Variants in GRID2 observed in about 807,000 individuals in gnomAD.
GRID2 encodes glutamate ionotropic receptor delta type subunit 2, also known as glutamate receptor ionotropic, delta-2.
Under a neutral mutation model 114.8 loss-of-function variants are expected in GRID2, and 33 were observed. The ratio of observed to expected loss-of-function variants is 0.29; its 90% CI spans 0.22 to 0.38. The LOEUF is 0.38. Ranked by LOEUF, GRID2 falls within the 10% of genes least tolerant of loss-of-function variation. The probability of loss-of-function intolerance (pLI) is 1.00; values close to 1 mark genes in which losing one functional copy is unlikely to be tolerated. For synonymous variants in GRID2, 505 were observed against 449.9 expected (o/e 1.12, Z -1.55); for missense variants, 1,184 against 1,257.7 (o/e 0.94, Z 0.89).
At chr4:92,424,343 C>T (rs1430541269) in intron 1 of GRID2, among the ~76,000 whole-genome samples, 2 of 151,904 alleles carry the variant, frequency 1.3e-5, no homozygotes, top group Non-Finnish European at 1.5e-5. Flanking sequence ...TTCTATATTC[C>T]TTGGGATGTT....
chr4:93,456,003 T>A (rs1387903918), intron 11 of GRID2, 29 bp downstream of exon 11: 8 of 1,285,510 alleles, frequency 6.2e-6, no homozygotes, highest in East Asian at 4.6e-5. Flanking sequence ...TTCTAGTATT[T>A]AAAAAAAATA....
chr4:93,555,410 G>C (rs1042996031), intron 13 of GRID2, among the ~76,000 whole-genome samples: 6 of 152,152 alleles, frequency 3.9e-5, no homozygotes, highest in African/African-American at 1.4e-4. Flanking sequence ...TGGGATGCTC[G>C]AGCTTGGTGC....
At chr4:92,666,401 T>C (rs1053840883) in intron 2 of GRID2, among the ~76,000 whole-genome samples, 1 of 151,546 alleles carries the variant, frequency 6.6e-6, no homozygotes, top group Non-Finnish European at 1.5e-5. Context: ...ATCAGGACTT[T>C]CTCAAGGACA....
intron 2 of GRID2, among the ~76,000 whole-genome samples, chr4:92,671,541 T>A (rs550109684): frequency 1.3e-5 from 2 of 152,236 alleles, no homozygotes; most frequent in South Asian, 4.1e-4. Context: ...CATCTCCAAA[T>A]CCTACCAAGT....
chr4:92,805,449 G>C (rs1311855739), intron 2 of GRID2, among the ~76,000 whole-genome samples: 1 of 152,006 alleles, frequency 6.6e-6, no homozygotes, highest in African/African-American at 2.4e-5. Context: ...TCAGCATTGG[G>C]TCTGAGAATT....
At chr4:93,789,263 C>A (rs960625931) in intron 1 of GRID2, among the ~76,000 whole-genome samples, 1 of 152,114 alleles carries the variant, frequency 6.6e-6, no homozygotes, top group African/African-American at 2.4e-5. Context: ...CCTAAATTAG[C>A]AATTGTGAAA....
chr4:93,529,349 G>A (rs1731226573), intron 13 of GRID2, among the ~76,000 whole-genome samples: 1 of 152,186 alleles, frequency 6.6e-6, no homozygotes, highest in Admixed American at 6.5e-5. Context: ...TCTTAAGCCA[G>A]TGATCTTCAA....
intron 11 of GRID2, among the ~76,000 whole-genome samples, chr4:93,477,370 A>G (rs72668762): frequency 0.014 from 2,149 of 152,238 alleles, 17 homozygotes; most frequent in South Asian, 0.056. Flanking sequence ...TCATTCAGCC[A>G]TAGCACTGAC....
chr4:93,797,002 A>G (rs987944617), intron 1 of GRID2, among the ~76,000 whole-genome samples: 4 of 152,232 alleles, frequency 2.6e-5, no homozygotes, highest in Non-Finnish European at 5.9e-5. Flanking sequence ...CCTAGATGGT[A>G]TAGCCTACTA....
At chr4:92,904,552 A>G (rs930032609) in intron 2 of GRID2, among the ~76,000 whole-genome samples, 7 of 151,908 alleles carry the variant, frequency 4.6e-5, no homozygotes, top group African/African-American at 1.7e-4. Flanking sequence ...TGACTGTGGC[A>G]ACAGAGTTTC....
chr4:92,614,080 A>G (rs2149231684), intron 2 of GRID2, among the ~76,000 whole-genome samples: 1 of 151,460 alleles, frequency 6.6e-6, no homozygotes, highest in East Asian at 2.0e-4. Flanking sequence ...GAAACCATAT[A>G]TTATTATTAA....
chr4:92,970,954 A>G (rs1693497496), intron 2 of GRID2, among the ~76,000 whole-genome samples: 1 of 151,812 alleles, frequency 6.6e-6, no homozygotes, highest in African/African-American at 2.4e-5. Flanking sequence ...CATTGCATAT[A>G]TATGTATATA....
chr4:92,902,577 A>G (rs764005455), intron 2 of GRID2, among the ~76,000 whole-genome samples: 8 of 152,000 alleles, frequency 5.3e-5, no homozygotes, highest in Non-Finnish European at 1.0e-4. Context: ...TAGGCCAATG[A>G]CCAGAACAGT....
chr4:93,020,959 G>A (rs999651524), intron 2 of GRID2, among the ~76,000 whole-genome samples: 1 of 151,842 alleles, frequency 6.6e-6, no homozygotes, highest in Admixed American at 6.6e-5. Flanking sequence ...TTGCACTGCA[G>A]GCAGAGGTTG....
chr4:92,603,560 A>T (rs1729321070), intron 2 of GRID2, among the ~76,000 whole-genome samples: 1 of 152,164 alleles, frequency 6.6e-6, no homozygotes, highest in Non-Finnish European at 1.5e-5. Flanking sequence ...TAAAGGCTTA[A>T]ATGTAAAACC....
intron 14 of GRID2, among the ~76,000 whole-genome samples, chr4:93,662,087 C>T (rs1257179528): frequency 3.9e-5 from 6 of 152,180 alleles, no homozygotes; most frequent in Non-Finnish European, 7.3e-5. Flanking sequence ...CAGGCAGCTT[C>T]CTGCCTCAAG....
chr4:93,768,246 A>G (rs1733830670), intron 14 of GRID2, among the ~76,000 whole-genome samples: 1 of 152,228 alleles, frequency 6.6e-6, no homozygotes, highest in South Asian at 2.1e-4. Flanking sequence ...CTGTTTGGCC[A>G]GGAAATTCCA....
At chr4:92,895,122 T>A (rs113543543) in intron 2 of GRID2, among the ~76,000 whole-genome samples, 3 of 152,066 alleles carry the variant, frequency 2.0e-5, no homozygotes, top group African/African-American at 7.2e-5. Flanking sequence ...ACATTTTCTG[T>A]CTTTTCCACT....
At chr4:93,259,947 C>T (rs762487211) in intron 8 of GRID2, among the ~76,000 whole-genome samples, 35 of 151,716 alleles carry the variant, frequency 2.3e-4, no homozygotes, top group Non-Finnish European at 4.7e-4. Context: ...ATTTTTTAAA[C>T]ATAGCTTATT....
Sources: allele counts gnomAD v4.1 joint callset (sites outside exome capture counted in the v4.1 genomes callset), GRCh38; gene constraint gnomAD v4.1.1; transcripts MANE v1.5; gene names NCBI Gene and HGNC (gene_info 2026-07-23, HGNC 2026-07-21).